The following DRC8 variants were observed in gnomAD, a reference collection of about 807,000 sequenced individuals.
DRC8 encodes dynein regulatory complex subunit 8.
the DRC8 span, among the ~76,000 whole-genome samples, chr1:245,039,919 T>A: frequency 6.6e-6 from 1 of 152,208 alleles, no homozygotes; most frequent in Non-Finnish European, 1.5e-5. Context: ...GATGTTAACC[T>A]TAATTGCTTG....
the DRC8 span, among the ~76,000 whole-genome samples, chr1:245,071,519 C>T: frequency 6.6e-6 from 1 of 152,126 alleles, no homozygotes; most frequent in African/African-American, 2.4e-5. Flanking sequence ...TTATGGAAGG[C>T]AGAACTTAGA....
At chr1:244,972,139 A>AT in the DRC8 span, among the ~76,000 whole-genome samples, 7 of 152,214 alleles carry the variant, frequency 4.6e-5, no homozygotes, top group East Asian at 5.8e-4. Context: ...CTTTTGAACA[A>AT]TTTTTTTCCA....
chr1:245,094,503 C>T, the DRC8 span, among the ~76,000 whole-genome samples: 2 of 152,172 alleles, frequency 1.3e-5, no homozygotes, highest in Non-Finnish European at 2.9e-5. Context: ...TCAGGACAGC[C>T]GCCTGCCTTC....
the DRC8 span, chr1:245,083,567 G>A: frequency 6.3e-7 from 1 of 1,587,080 alleles, no homozygotes; most frequent in Non-Finnish European, 8.6e-7. Flanking sequence ...AATTTATCAT[G>A]TAGAACTTAT....
At chr1:245,073,835 C>T in the DRC8 span, among the ~76,000 whole-genome samples, 2,342 of 152,180 alleles carry the variant, frequency 0.015, 30 homozygotes, top group Non-Finnish European at 0.026. Context: ...CGAATCCCTG[C>T]GTGATTTGTA....
the DRC8 span, among the ~76,000 whole-genome samples, chr1:245,061,783 T>C: frequency 6.6e-6 from 1 of 152,240 alleles, no homozygotes; most frequent in African/African-American, 2.4e-5. Context: ...GATCAAACTA[T>C]TTAAATGTAT....
At chr1:245,014,636 AG>A in the DRC8 span, among the ~76,000 whole-genome samples, 1 of 126,074 alleles carries the variant, frequency 7.9e-6, no homozygotes, top group Non-Finnish European at 1.6e-5. Flanking sequence ...AAGTACTAAC[AG>A]GTGGGATGGG....
the DRC8 span, among the ~76,000 whole-genome samples, chr1:245,092,665 T>C: frequency 6.6e-6 from 1 of 152,252 alleles, no homozygotes. Context: ...CTTATATTTT[T>C]AATATTCTCA....
chr1:245,112,964 G>C, the DRC8 span, among the ~76,000 whole-genome samples: 5 of 152,128 alleles, frequency 3.3e-5, no homozygotes, highest in African/African-American at 1.2e-4. Flanking sequence ...ATGTTGGCCA[G>C]GTTGGTCTCG....
At chr1:245,088,787 G>A in the DRC8 span, among the ~76,000 whole-genome samples, 2 of 152,166 alleles carry the variant, frequency 1.3e-5, no homozygotes, top group Admixed American at 6.5e-5. This position sits in a 1 kb window ranked among gnomAD's most constrained non-coding sequence, Gnocchi z 4.6. Context: ...GGGGCACAGG[G>A]CATTTCAGCA....
the DRC8 span, among the ~76,000 whole-genome samples, chr1:245,096,857 TG>T: frequency 6.6e-6 from 1 of 152,166 alleles, no homozygotes; most frequent in Non-Finnish European, 1.5e-5. Context: ...ATATGTGACC[TG>T]GGGAAAGTCA....
At chr1:245,052,467 G>A in the DRC8 span, among the ~76,000 whole-genome samples, 2 of 152,268 alleles carry the variant, frequency 1.3e-5, no homozygotes, top group Non-Finnish European at 2.9e-5. Context: ...CCAAGCTAGC[G>A]GAGGAACCAC....
At chr1:245,006,968 CAA>C in the DRC8 span, among the ~76,000 whole-genome samples, 21 of 132,802 alleles carry the variant, frequency 1.6e-4, no homozygotes, top group South Asian at 3.0e-4. Flanking sequence ...ACAACAACAA[CAA>C]AAAACCCCAG....
At chr1:245,037,863 A>T in the DRC8 span, among the ~76,000 whole-genome samples, 1 of 152,136 alleles carries the variant, frequency 6.6e-6, no homozygotes, top group Non-Finnish European at 1.5e-5. Context: ...GTTGGATGAT[A>T]TAATGGAAAA....
the DRC8 span, among the ~76,000 whole-genome samples, chr1:245,114,907 G>C: frequency 3.9e-5 from 6 of 152,110 alleles, no homozygotes; most frequent in African/African-American, 1.4e-4. Context: ...TGTATTTTTA[G>C]TAGAGATGGG....
chr1:245,047,937 T>C, the DRC8 span, among the ~76,000 whole-genome samples: 32 of 136,650 alleles, frequency 2.3e-4, no homozygotes, highest in South Asian at 4.7e-4. Flanking sequence ...ATGGTGCCAC[T>C]GCACTCCAGC....
the DRC8 span, chr1:245,030,613 G>C: frequency 6.6e-6 from 1 of 152,190 alleles, no homozygotes; most frequent in Non-Finnish European, 1.5e-5. Flanking sequence ...AATCTAACAT[G>C]CTGGTGATTC....
At chr1:245,070,728 G>A in the DRC8 span, among the ~76,000 whole-genome samples, 3 of 152,180 alleles carry the variant, frequency 2.0e-5, no homozygotes, top group African/African-American at 4.8e-5. Flanking sequence ...AAACTTAATT[G>A]CCATGTTTCT....
At chr1:245,061,796 G>T in the DRC8 span, among the ~76,000 whole-genome samples, 4 of 152,204 alleles carry the variant, frequency 2.6e-5, no homozygotes, top group Non-Finnish European at 1.5e-5. Context: ...AAATGTATGT[G>T]TGTATATGCT....
Sources: allele counts gnomAD v4.1 joint callset (sites outside exome capture counted in the v4.1 genomes callset), GRCh38; gene constraint gnomAD v4.1.1; non-coding constraint Gnocchi (gnomAD v3.1); transcripts MANE v1.5; gene names NCBI Gene and HGNC (gene_info 2026-07-23, HGNC 2026-07-21).